Variants in PLIN3 observed in about 807,000 individuals in gnomAD.
PLIN3 encodes the protein perilipin-3.
PLIN3 carries 30 observed loss-of-function variants against 35.9 expected under a neutral mutation model. The ratio of observed to expected loss-of-function variants is 0.84; its 90% confidence interval spans 0.62 to 1.13. The LOEUF (loss-of-function observed/expected upper bound fraction) is 1.13, where lower values mean the gene tolerates loss of function less well. Ranked by LOEUF, PLIN3 falls within the 50% of genes most tolerant of loss-of-function variation. The pLI, the probability that PLIN3 is intolerant of heterozygous loss-of-function variation, is 0.00. For missense variants in PLIN3, 603 were observed against 596.9 expected, an observed-to-expected ratio of 1.01 and a Z score of -0.11; for synonymous variants, 261 against 262.5, an observed-to-expected ratio of 0.99 and a Z score of 0.06.
intron 7 of PLIN3, among the ~76,000 whole-genome samples, chr19:4,843,082 C>T (rs1046850723): frequency 2.0e-5 from 3 of 151,808 alleles, no homozygotes; most frequent in Non-Finnish European, 4.4e-5. Context: ...ATTAGCCGGG[C>T]GTGGTGACGC....
At chr19:4,845,951 G>A (rs1268876904) in intron 6 of PLIN3, among the ~76,000 whole-genome samples, 1 of 139,652 alleles carries the variant, frequency 7.2e-6, no homozygotes, top group Non-Finnish European at 1.5e-5. Context: ...AAGGCCGGGC[G>A]CGGTGGCTCA....
chr19:4,860,148 C>A, intron 2 of PLIN3, 124 bp from the exon 3 acceptor site: 1 of 767,032 alleles, frequency 1.3e-6, no homozygotes, highest in Non-Finnish European at 2.2e-6. Context: ...TTTACCCACA[C>A]TTTGCATCCA....
At chr19:4,852,963 C>T (rs1012319998) in intron 4 of PLIN3, among the ~76,000 whole-genome samples, 1 of 151,506 alleles carries the variant, frequency 6.6e-6, no homozygotes, top group African/African-American at 2.4e-5. Flanking sequence ...TACAGGCATG[C>T]GCCACCACGC....
Position 4,842,519 on chromosome 19 carries a change from G to C in PLIN3, c.960+2149C>G, listed in dbSNP as rs1415116539. On this transcript the variant is annotated intron_variant, in intron 7 of 7. Coordinates refer to ENST00000221957, the MANE Select transcript of PLIN3 (RefSeq NM_005817.5). The stretch of plus-strand genomic sequence containing the variant: ...GGAGGCTGAGGCAGGAGAATCGCTT[G>C]AACCCGGGAGGCAGAGGTTGCAGTG... Among the ~76,000 whole-genome samples the C allele has an allele frequency of 2.1e-5, 3 of 145,334 alleles. No individual in the cohort carries two copies. The South Asian group carries it at 6.6e-4, about 32-fold the overall frequency.
chr19:4,851,103 G>A (rs2030274791), intron 5 of PLIN3, among the ~76,000 whole-genome samples: 1 of 152,124 alleles, frequency 6.6e-6, no homozygotes, highest in South Asian at 2.1e-4. Flanking sequence ...GTTGGAGGCT[G>A]CATTGAGCTA....
At chr19:4,865,271 C>A (rs142549296) in intron 1 of PLIN3, among the ~76,000 whole-genome samples, 73 of 151,884 alleles carry the variant, frequency 4.8e-4, no homozygotes, top group African/African-American at 1.7e-3. Flanking sequence ...GGCAGATCAC[C>A]TAAGGTCGGG....
intron 6 of PLIN3, among the ~76,000 whole-genome samples, chr19:4,846,307 C>A (rs549343894): frequency 1.6e-4 from 22 of 140,050 alleles, no homozygotes; most frequent in Admixed American, 4.7e-4. Flanking sequence ...CAGAGTGAGC[C>A]CCTGTCTCTG....
intron 2 of PLIN3, 106 bp from the exon 3 acceptor site, chr19:4,860,130 C>T (rs968956252): frequency 5.3e-6 from 5 of 938,622 alleles, no homozygotes; most frequent in East Asian, 2.6e-5. Flanking sequence ...GCCAGTGAAA[C>T]GGCTCAGTTT....
chr19:4,844,201 C>T (rs754171732), intron 7 of PLIN3, among the ~76,000 whole-genome samples: 19 of 152,030 alleles, frequency 1.2e-4, no homozygotes, highest in African/African-American at 4.1e-4. Flanking sequence ...CAGTAGCTCA[C>T]GCTTGTAATC....
At chr19:4,850,068 C>T (rs371938284) in intron 5 of PLIN3, among the ~76,000 whole-genome samples, 6 of 151,472 alleles carry the variant, frequency 4.0e-5, no homozygotes, top group Non-Finnish European at 7.4e-5. Context: ...GCCTCAGCCT[C>T]CCGAGTTAGC....
intron 5 of PLIN3, among the ~76,000 whole-genome samples, chr19:4,850,434 T>A (rs746102063): frequency 2.0e-5 from 3 of 151,538 alleles, no homozygotes; most frequent in Non-Finnish European, 2.9e-5. Context: ...TATTATTATT[T>A]TTTTGAGACG....
At chr19:4,852,444 G>C in intron 4 of PLIN3, 143 bp from the exon 5 acceptor site, 1 of 1,003,278 alleles carries the variant, frequency 1.0e-6, no homozygotes, top group Non-Finnish European at 1.4e-6. Flanking sequence ...CTCTGTATGT[G>C]GGCACCCCTC....
intron 4 of PLIN3, among the ~76,000 whole-genome samples, chr19:4,853,738 G>A (rs915079307): frequency 1.3e-5 from 2 of 151,676 alleles, no homozygotes; most frequent in African/African-American, 2.4e-5. Flanking sequence ...CCTTGAACCC[G>A]GGAGGTGGAG....
At chr19:4,850,729 C>T (rs942307949) in intron 5 of PLIN3, among the ~76,000 whole-genome samples, 2 of 151,662 alleles carry the variant, frequency 1.3e-5, no homozygotes, top group African/African-American at 4.8e-5. Flanking sequence ...CCCACCGTGC[C>T]CGGCCTAATT....
At chr19:4,848,848 G>C (rs961902203) in intron 5 of PLIN3, among the ~76,000 whole-genome samples, 2 of 151,882 alleles carry the variant, frequency 1.3e-5, no homozygotes, top group African/African-American at 4.8e-5. Flanking sequence ...GCCTGGGTGA[G>C]AGTGAGACTC....
intron 4 of PLIN3, among the ~76,000 whole-genome samples, chr19:4,853,718 C>T (rs989277197): frequency 3.3e-5 from 5 of 151,734 alleles, no homozygotes; most frequent in Admixed American, 3.3e-4. Context: ...GAGGCTGAGG[C>T]GGGAGAATCC....
intron 6 of PLIN3, among the ~76,000 whole-genome samples, chr19:4,845,537 A>AG (rs1244051147): frequency 1.3e-5 from 2 of 152,154 alleles, no homozygotes; most frequent in Admixed American, 6.6e-5. Flanking sequence ...TGGGAGGCCA[A>AG]GGGGGTTGGA....
At chr19:4,865,735 T>TG (rs1158137474) in intron 1 of PLIN3, among the ~76,000 whole-genome samples, 1 of 142,934 alleles carries the variant, frequency 7.0e-6, no homozygotes, top group Non-Finnish European at 1.5e-5. Context: ...TTTTTGTTTT[T>TG]TTTTTTGAGA....
At position 4,852,312 on chromosome 19, in the gene PLIN3, C is replaced by A; in HGVS notation, c.349-11G>T. ...GGTGTCCGCCAGGACCTAGGAGATGCAACAGCATCAGCATCTCTGCCTTCC... is the reference window on the plus strand; with the variant it reads ...GGTGTCCGCCAGGACCTAGGAGATGAAACAGCATCAGCATCTCTGCCTTCC... On this transcript the variant is annotated splice_polypyrimidine_tract_variant and intron_variant, in intron 4 of 7. Transcript: ENST00000221957. The A allele has an allele frequency of 6.3e-7, 1 of 1,597,432 alleles. No homozygotes were observed. Among genetic ancestry groups the A allele is most frequent in the Non-Finnish European group, 8.5e-7 (1 of 1,177,474 alleles).
Sources: allele counts gnomAD v4.1 joint callset (sites outside exome capture counted in the v4.1 genomes callset), GRCh38; gene constraint gnomAD v4.1.1; transcripts MANE v1.5; gene names NCBI Gene and HGNC (gene_info 2026-07-23, HGNC 2026-07-21).